NSG1: variants seen among roughly 807,000 people sequenced by gnomAD.
NSG1 encodes neuronal vesicle trafficking-associated protein 1.
Under a neutral mutation model 19.3 loss-of-function variants are expected in NSG1, and 9 were observed. The observed-to-expected ratio is 0.47, with a 90% CI of 0.28 to 0.81. NSG1 has a LOEUF of 0.81. Among genes scored for constraint, NSG1 ranks in the 40% least tolerant of loss-of-function variants. The probability of loss-of-function intolerance (pLI) is 0.11; values close to 1 mark genes in which losing one functional copy is unlikely to be tolerated. For missense variants in NSG1, 236 were observed against 242.4 expected, an observed-to-expected ratio of 0.97 and a Z score of 0.18; for synonymous variants, 104 against 107.0, an observed-to-expected ratio of 0.97 and a Z score of 0.17.
chr4:4,394,539 C>G (rs1723157187), intron 3 of NSG1, among the ~76,000 whole-genome samples: 3 of 152,114 alleles, frequency 2.0e-5, no homozygotes, highest in African/African-American at 7.2e-5. Context: ...CAAGCATAGG[C>G]CCCCTCGACC....
chr4:4,404,164 G>T (rs1723722530), intron 3 of NSG1, among the ~76,000 whole-genome samples: 1 of 152,194 alleles, frequency 6.6e-6, no homozygotes, highest in Non-Finnish European at 1.5e-5. Flanking sequence ...CGGCCTCTTA[G>T]GATCACCTGG....
In NSG1 at chr4:4,388,077, C is replaced by T. The variant is rs532734233; in HGVS notation, c.129+319C>T. On this transcript the variant is annotated intron_variant, in intron 2 of 4. Transcript: ENST00000621129. ...CCGCAGCTGCCCTGCTCCTCCCTTG[C>T]CCCGTGGCCCCAGGGGCTCTGGATC... is the stretch of plus-strand genomic sequence containing the variant. Among the ~76,000 whole-genome samples the T allele has an allele frequency of 1.9e-3, 284 of 152,352 alleles. No homozygotes were observed. The Middle Eastern group carries it at 0.034, about 18-fold the overall frequency.
chr4:4,386,946 C>A (rs950683942), upstream of NSG1: 4 of 152,088 alleles, frequency 2.6e-5, no homozygotes, highest in Middle Eastern at 3.2e-3. Context: ...GCGGGCGCTG[C>A]GTCAAGGTGG....
chr4:4,412,406 G>A (rs1306365232), intron 4 of NSG1, among the ~76,000 whole-genome samples: 1 of 151,652 alleles, frequency 6.6e-6, no homozygotes, highest in African/African-American at 2.4e-5. Flanking sequence ...TCCACAGCCA[G>A]CCTTGGGAAT....
At chr4:4,395,339 C>T (rs746566755) in intron 3 of NSG1, among the ~76,000 whole-genome samples, 5 of 152,170 alleles carry the variant, frequency 3.3e-5, no homozygotes, top group South Asian at 2.1e-4. Context: ...CCTGAGTTTT[C>T]GAGCCTTTCC....
intron 4 of NSG1, chr4:4,416,036 C>G: frequency 1.4e-6 from 1 of 698,246 alleles, no homozygotes; most frequent in Non-Finnish European, 2.6e-6. Context: ...TGTCTTTTGG[C>G]TTTCTTTTCT....
chr4:4,414,217 G>GCTGCCCTTGGCCGAAGCT (rs1724391226), intron 4 of NSG1, among the ~76,000 whole-genome samples: 1 of 151,870 alleles, frequency 6.6e-6, no homozygotes, highest in Non-Finnish European at 1.5e-5. Context: ...TGGCCTGGGT[G>GCTGCCCTTGGCCGAAGCT]GGAGATGACC....
At position 4,418,746 on chromosome 4, in the gene NSG1, A is replaced by G. The variant is rs1352643815; in HGVS notation, c.*1311A>G. The G allele has an allele frequency of 6.6e-6, 1 of 152,618 alleles. No homozygotes were observed. Among genetic ancestry groups the G allele is most frequent in the Non-Finnish European group, 1.5e-5 (1 of 68,028 alleles). 9.5% of individuals were successfully genotyped at this position (152,618 alleles called of 1,614,324 possible). On this transcript the variant is annotated 3_prime_UTR_variant, in exon 5 of 5. Transcript: ENST00000621129. ...GTCAGCGCCACTCTTGTTTCCTGAA[A>G]TGTGCTTCTAAGACAGAAAATGTAT... is the stretch of plus-strand genomic sequence containing the variant.
intron 3 of NSG1, among the ~76,000 whole-genome samples, chr4:4,404,664 C>T (rs543015131): frequency 1.3e-5 from 2 of 152,204 alleles, no homozygotes; most frequent in Non-Finnish European, 1.5e-5. Flanking sequence ...GAGGAAACGC[C>T]GATGTCTGGC....
At position 4,417,821 on chromosome 4, in the gene NSG1, A is replaced by G. The variant is rs958357010; in HGVS notation, c.*386A>G. On this transcript the variant is annotated 3_prime_UTR_variant, in exon 5 of 5. Coordinates refer to ENST00000621129, the MANE Select transcript of NSG1 (RefSeq NM_014392.5). ...TGTCTGCAAACCTTCCTCCATAGCC[A>G]TATCTAGAGTGATCTCTCGCTGTGC... is the stretch of plus-strand genomic sequence containing the variant. 1.8e-4 allele frequency: 56 copies of G among 310,200 alleles called. No homozygotes were observed. The highest frequency in any genetic ancestry group is 3.3e-4 in the Non-Finnish European group (53 of 162,250). The allele number at this position is 310,200 out of a possible 1,614,324, so 19.2% of individuals were successfully genotyped here.
In NSG1 at chr4:4,417,220, C is replaced by T. The variant is rs762700630; in HGVS notation, c.358-15C>T. On this transcript the variant is annotated splice_polypyrimidine_tract_variant and intron_variant, in intron 4 of 4. Coordinates refer to ENST00000621129, the MANE Select transcript of NSG1 (RefSeq NM_014392.5). ...TTGCACCGACGCGTGCTCTCAGTGG[C>T]CTCTTGTCTTTCAGAACACCCAGTG... is the stretch of plus-strand genomic sequence containing the variant. 1.2e-6 allele frequency: 2 copies of T among 1,612,838 alleles called. No homozygotes were observed. Among genetic ancestry groups the T allele is most frequent in the East Asian group, 2.2e-5 (1 of 44,884 alleles).
At chr4:4,400,304 A>G (rs1205534059) in intron 3 of NSG1, among the ~76,000 whole-genome samples, 1 of 152,168 alleles carries the variant, frequency 6.6e-6, no homozygotes, top group Non-Finnish European at 1.5e-5. Context: ...TCTCAATTGT[A>G]TTACGTGGAT....
At chr4:4,406,410 A>G (rs1409850654) in intron 3 of NSG1, among the ~76,000 whole-genome samples, 1 of 152,166 alleles carries the variant, frequency 6.6e-6, no homozygotes, top group Non-Finnish European at 1.5e-5. Context: ...GCACAGAATA[A>G]AATGCAAAGG....
chr4:4,404,490 C>T (rs932063464), intron 3 of NSG1, among the ~76,000 whole-genome samples: 9 of 148,090 alleles, frequency 6.1e-5, no homozygotes, highest in Non-Finnish European at 8.9e-5. Flanking sequence ...GCCAGGAACC[C>T]GGGCTTATCT....
chr4:4,414,791 C>T (rs905098165), intron 4 of NSG1, among the ~76,000 whole-genome samples: 2 of 152,182 alleles, frequency 1.3e-5, no homozygotes, highest in African/African-American at 4.8e-5. Flanking sequence ...ACACTGGACT[C>T]GACACCTTGA....
At position 4,411,619 on chromosome 4, in the gene NSG1, C is replaced by A. The variant is rs372278544; in HGVS notation, c.357+1936C>A. On this transcript the variant is annotated intron_variant, in intron 4 of 4. Transcript: ENST00000621129. ...ATTAGCCAGGCATGGTGGCGGGTGCCTGTAATCCCAGCTACTCAGGAGGCT... is the reference window on the plus strand; with the variant it reads ...ATTAGCCAGGCATGGTGGCGGGTGCATGTAATCCCAGCTACTCAGGAGGCT... 1.7e-4 allele frequency among the ~76,000 whole-genome samples: 26 copies of A among 152,302 alleles called. No individual in the cohort carries two copies. The South Asian group carries it at 5.2e-3, about 30-fold the overall frequency.
chr4:4,397,503 C>G (rs552139846), intron 3 of NSG1, among the ~76,000 whole-genome samples: 1 of 152,224 alleles, frequency 6.6e-6, no homozygotes, highest in Non-Finnish European at 1.5e-5. Flanking sequence ...GGACCCTGAG[C>G]TGGGCAGTGG....
intron 4 of NSG1, among the ~76,000 whole-genome samples, chr4:4,410,146 G>A (rs1724095260): frequency 6.6e-6 from 1 of 152,182 alleles, no homozygotes; most frequent in Admixed American, 6.5e-5. Flanking sequence ...GGAAAGGGGA[G>A]CAGGGCTGGG....
rs552103166 is a variant in NSG1, at chr4:4,397,890, C to T, written c.246+6299C>T. Among the ~76,000 whole-genome samples, 3 of 152,314 alleles carry T rather than the reference C, an allele frequency of 2.0e-5. No individual in the cohort carries two copies. The East Asian group carries it at 5.8e-4, about 29-fold the overall frequency. On this transcript the variant is annotated intron_variant, in intron 3 of 4. Transcript: ENST00000621129. ...GGGCTCATGGCCTCTTGTCAGCACA[C>T]CCACAATAGTTTGCGACACCAGCCT... is the stretch of plus-strand genomic sequence containing the variant.
Sources: allele counts gnomAD v4.1 joint callset (sites outside exome capture counted in the v4.1 genomes callset), GRCh38; gene constraint gnomAD v4.1.1; transcripts MANE v1.5; gene names NCBI Gene and HGNC (gene_info 2026-07-23, HGNC 2026-07-21).